The following PAK1 variants were observed in gnomAD, a reference collection of about 807,000 sequenced individuals.
PAK1 encodes p21 (RAC1) activated kinase 1.
A neutral mutation model predicts 67.4 loss-of-function variants in PAK1; 29 were observed. The ratio of observed to expected loss-of-function variants is 0.43; its 90% CI spans 0.32 to 0.59. PAK1 has a LOEUF of 0.59. Among genes scored for constraint, PAK1 ranks in the 20% least tolerant of loss-of-function variants. The probability of loss-of-function intolerance (pLI) is 0.07; values close to 1 mark genes in which losing one functional copy is unlikely to be tolerated. For missense variants in PAK1, 337 were observed against 670.7 expected, an observed-to-expected ratio of 0.50 and a Z score of 5.50; for synonymous variants, 223 against 237.4, an observed-to-expected ratio of 0.94 and a Z score of 0.56.
chr11:77,375,731 AAT>A (rs1409130414), intron 4 of PAK1, among the ~76,000 whole-genome samples: 1 of 152,238 alleles, frequency 6.6e-6, no homozygotes, highest in Non-Finnish European at 1.5e-5. Context: ...AAGACCAGGT[AAT>A]GTCTTCAGTT....
chr11:77,354,007 T>C (rs1429346700), intron 7 of PAK1, among the ~76,000 whole-genome samples: 1 of 151,922 alleles, frequency 6.6e-6, no homozygotes, highest in Non-Finnish European at 1.5e-5. Flanking sequence ...AATATAATAA[T>C]TGCTGTGATA....
intron 1 of PAK1, among the ~76,000 whole-genome samples, chr11:77,432,526 C>T (rs1007367175): frequency 6.6e-6 from 1 of 152,114 alleles, no homozygotes; most frequent in African/African-American, 2.4e-5. Flanking sequence ...GTTGTGGTGG[C>T]ATGCACCTGT....
intron 2 of PAK1, among the ~76,000 whole-genome samples, chr11:77,384,465 C>T (rs1024298606): frequency 2.0e-5 from 3 of 152,168 alleles, no homozygotes; most frequent in Non-Finnish European, 4.4e-5. Context: ...TGTGAATGTT[C>T]ACATTAGCTT....
At chr11:77,368,644 G>A (rs1317497816) in intron 5 of PAK1, among the ~76,000 whole-genome samples, 1 of 136,820 alleles carries the variant, frequency 7.3e-6, no homozygotes, top group Non-Finnish European at 1.6e-5. Context: ...CAAATACCTG[G>A]ATAATAATAT....
Position 77,431,485 on chromosome 11 carries a change from T to G in PAK1, c.-21-38944A>C, listed in dbSNP as rs114455762. ...CTCCTAATACCCTCTTCAGTGGTCT[T>G]TTCCTCTCGTAGGACTTATGTGATG... is the stretch of plus-strand genomic sequence containing the variant. On this transcript the variant is annotated intron_variant, in intron 1 of 14. Coordinates refer to ENST00000356341, the MANE Select transcript of PAK1 (RefSeq NM_002576.5). Among the ~76,000 whole-genome samples, 1,349 of 152,314 alleles carry G rather than the reference T, an allele frequency of 8.9e-3. 28 individuals are homozygous for G. The highest frequency in any genetic ancestry group is 0.031 in the African/African-American group (1,289 of 41,560).
chr11:77,418,398 G>T (rs1461886695), intron 1 of PAK1, among the ~76,000 whole-genome samples: 2 of 152,158 alleles, frequency 1.3e-5, no homozygotes, highest in Admixed American at 1.3e-4. Flanking sequence ...TCTGTCCCTT[G>T]CAAAACATAG....
intron 5 of PAK1, among the ~76,000 whole-genome samples, chr11:77,370,992 C>T (rs1307649511): frequency 1.3e-5 from 2 of 152,210 alleles, no homozygotes; most frequent in African/African-American, 4.8e-5. Flanking sequence ...TGCCTGGTAT[C>T]ATTACCTGAT....
At chr11:77,380,698 A>C (rs1408690213) in intron 2 of PAK1, among the ~76,000 whole-genome samples, 1 of 152,168 alleles carries the variant, frequency 6.6e-6, no homozygotes, top group African/African-American at 2.4e-5. Flanking sequence ...GACTATTATA[A>C]GTGTTTATCT....
At chr11:77,488,571 C>T in the PAK1 span, among the ~76,000 whole-genome samples, 8 of 152,074 alleles carry the variant, frequency 5.3e-5, no homozygotes, top group Middle Eastern at 3.4e-3. Flanking sequence ...ATTCAGAATC[C>T]GATCCAATAA....
intron 2 of PAK1, among the ~76,000 whole-genome samples, chr11:77,383,752 A>C (rs1384122817): frequency 6.6e-6 from 1 of 152,192 alleles, no homozygotes; most frequent in Non-Finnish European, 1.5e-5. Context: ...CCTGGAACCC[A>C]ATTAATCCCT....
chr11:77,515,271 T>C, the PAK1 span, among the ~76,000 whole-genome samples: 3 of 152,228 alleles, frequency 2.0e-5, no homozygotes, highest in Admixed American at 6.5e-5. Flanking sequence ...AGTCAAGTCC[T>C]TTATGCCTCA....
At chr11:77,350,128 T>G (rs1405435592) in intron 8 of PAK1, among the ~76,000 whole-genome samples, 1 of 152,186 alleles carries the variant, frequency 6.6e-6, no homozygotes, top group African/African-American at 2.4e-5. Flanking sequence ...CAGGATACAC[T>G]TGGATCCTTT....
the PAK1 span, among the ~76,000 whole-genome samples, chr11:77,480,048 C>G: frequency 6.6e-6 from 1 of 152,186 alleles, no homozygotes; most frequent in African/African-American, 2.4e-5. Context: ...CAGCCAAAAG[C>G]TGTTCCTTAA....
intron 1 of PAK1, among the ~76,000 whole-genome samples, chr11:77,412,310 A>G (rs897959658): frequency 6.6e-6 from 1 of 152,176 alleles, no homozygotes; most frequent in African/African-American, 2.4e-5. Context: ...CCTCAGAGAA[A>G]GAGATACACC....
intron 1 of PAK1, among the ~76,000 whole-genome samples, chr11:77,403,707 C>T (rs2137781550): frequency 6.6e-6 from 1 of 152,332 alleles, no homozygotes; most frequent in South Asian, 2.1e-4. Context: ...TTTCTCCCAA[C>T]TGTCATTATA....
the PAK1 span, among the ~76,000 whole-genome samples, chr11:77,511,479 C>T: frequency 2.6e-5 from 4 of 152,062 alleles, no homozygotes; most frequent in Admixed American, 6.6e-5. Flanking sequence ...TCTATGTCTC[C>T]GGAGTTTTGC....
chr11:77,377,986 T>C (rs972045142), intron 4 of PAK1, among the ~76,000 whole-genome samples: 5 of 152,264 alleles, frequency 3.3e-5, no homozygotes, highest in African/African-American at 1.2e-4. Flanking sequence ...GGCACCACCA[T>C]AGCAGCATGA....
At chr11:77,370,761 A>C (rs1948321675) in intron 5 of PAK1, among the ~76,000 whole-genome samples, 1 of 152,240 alleles carries the variant, frequency 6.6e-6, no homozygotes, top group Non-Finnish European at 1.5e-5. Flanking sequence ...TGAGATAGCA[A>C]GAGAGATGGG....
upstream of PAK1, chr11:77,475,199 A>G (rs1202175511): frequency 6.6e-6 from 1 of 152,188 alleles, no homozygotes. Context: ...CCAGGAACCT[A>G]GACATACTAA....
Sources: gnomAD v4.1 joint callset for allele counts (sites outside exome capture counted in the v4.1 genomes callset) on GRCh38, gnomAD v4.1.1 for gene constraint, MANE v1.5 for transcripts, NCBI Gene and HGNC (gene_info 2026-07-23, HGNC 2026-07-21) for gene names.